The following MYT1L variants were observed in gnomAD, a reference collection of about 807,000 sequenced individuals.
MYT1L encodes myelin transcription factor 1 like.
Under a neutral mutation model 126.7 loss-of-function variants are expected in MYT1L, and 12 were observed. The observed-to-expected ratio is 0.09, with a 90% CI of 0.06 to 0.15. The LOEUF is 0.15. MYT1L is among the 10% of genes least tolerant of loss of function. MYT1L has a pLI of 1.00. For synonymous variants in MYT1L, 541 were observed against 604.2 expected (o/e 0.90, Z 1.53); for missense variants, 979 against 1,585.2 (o/e 0.62, Z 6.49).
intron 1 of MYT1L, among the ~76,000 whole-genome samples, chr2:2,285,578 A>G (rs2095508140): frequency 6.6e-6 from 1 of 152,204 alleles, no homozygotes; most frequent in Admixed American, 6.5e-5. Flanking sequence ...CTTTACCTCT[A>G]CCTGGAATGC....
At chr2:1,809,801 C>G (rs1246536846) in intron 21 of MYT1L, 1 of 152,482 alleles carries the variant, frequency 6.6e-6, no homozygotes, top group African/African-American at 2.4e-5. Flanking sequence ...CTTTTCTCAG[C>G]CACTGGTTTG....
At chr2:1,888,489 C>G (rs2048426765) in intron 16 of MYT1L, among the ~76,000 whole-genome samples, 1 of 152,118 alleles carries the variant, frequency 6.6e-6, no homozygotes, top group Non-Finnish European at 1.5e-5. Context: ...TTTTCCATTT[C>G]CTTGTTTCTG....
At chr2:1,954,818 A>T (rs181427162) in intron 8 of MYT1L, among the ~76,000 whole-genome samples, 9 of 152,010 alleles carry the variant, frequency 5.9e-5, no homozygotes, top group African/African-American at 2.2e-4. Context: ...TAATCCCAGC[A>T]CTTTGGGAGG....
intron 3 of MYT1L, among the ~76,000 whole-genome samples, chr2:2,057,973 G>A (rs2069831030): frequency 6.6e-6 from 1 of 152,140 alleles, no homozygotes; most frequent in Non-Finnish European, 1.5e-5. Context: ...TGGGATAGCT[G>A]GGTCATACAG....
chr2:2,087,694 T>A (rs766862461), intron 3 of MYT1L, among the ~76,000 whole-genome samples: 18 of 152,246 alleles, frequency 1.2e-4, no homozygotes, highest in Non-Finnish European at 1.9e-4. Context: ...ATGAACTGAA[T>A]GTAGTTCCTA....
Position 2,233,584 on chromosome 2 carries a change from T to C in MYT1L, c.-421+50820A>G, listed in dbSNP as rs1156399832. Among the ~76,000 whole-genome samples, 2 of 152,126 alleles carry C rather than the reference T, an allele frequency of 1.3e-5. 1 individual carries two copies. ...CTGGCACAGAAGGAAGAAGAGGAAG[T>C]GGCCATCCAGTGCACATGATACAAT... is the stretch of plus-strand genomic sequence containing the variant. On this transcript the variant is annotated intron_variant, in intron 2 of 24. Transcript: ENST00000647738.
intron 4 of MYT1L, among the ~76,000 whole-genome samples, chr2:2,052,799 T>C (rs558544022): frequency 1.5e-4 from 23 of 152,292 alleles, no homozygotes; most frequent in Admixed American, 5.2e-4. Flanking sequence ...GGCCTGGATA[T>C]GGAGAAATTG....
intron 2 of MYT1L, among the ~76,000 whole-genome samples, chr2:2,250,098 T>C (rs1238130505): frequency 6.6e-6 from 1 of 152,154 alleles, no homozygotes; most frequent in African/African-American, 2.4e-5. Context: ...ACAACCACTA[T>C]AGAGAACAGT....
intron 21 of MYT1L, among the ~76,000 whole-genome samples, chr2:1,820,878 A>G (rs2038420853): frequency 6.6e-6 from 1 of 152,154 alleles, no homozygotes; most frequent in Admixed American, 6.5e-5. Flanking sequence ...ATTATTCTCA[A>G]TACTCTCAGT....
intron 4 of MYT1L, among the ~76,000 whole-genome samples, chr2:2,040,279 G>A (rs535558173): frequency 6.6e-6 from 1 of 152,268 alleles, no homozygotes; most frequent in South Asian, 2.1e-4. Context: ...TTCTACGTGT[G>A]CCCAATACAT....
intron 2 of MYT1L, among the ~76,000 whole-genome samples, chr2:2,178,775 T>C (rs752332688): frequency 4.6e-5 from 7 of 152,170 alleles, no homozygotes; most frequent in Non-Finnish European, 8.8e-5. Context: ...ATTTGGTCAT[T>C]GAAGTCCAGA....
chr2:1,845,963 C>T (rs1558738467), intron 19 of MYT1L, among the ~76,000 whole-genome samples: 1 of 152,202 alleles, frequency 6.6e-6, no homozygotes, highest in Admixed American at 6.5e-5. Context: ...GGCTCAGCGT[C>T]GCCTCCTCTC....
chr2:2,087,132 C>T (rs1418849774), intron 3 of MYT1L, among the ~76,000 whole-genome samples: 2 of 152,158 alleles, frequency 1.3e-5, no homozygotes, highest in African/African-American at 4.8e-5. Context: ...TCAGAGCCCA[C>T]AGTTTATCAT....
intron 3 of MYT1L, among the ~76,000 whole-genome samples, chr2:2,102,847 T>C (rs983748584): frequency 5.9e-5 from 9 of 151,930 alleles, no homozygotes; most frequent in Non-Finnish European, 2.9e-5. Context: ...AAGATATTGC[T>C]CCAGTAGAAT....
At chr2:2,077,201 C>T (rs921163714) in intron 3 of MYT1L, among the ~76,000 whole-genome samples, 1 of 152,052 alleles carries the variant, frequency 6.6e-6, no homozygotes, top group South Asian at 2.1e-4. Context: ...TTACAGATCT[C>T]TGGGACACCA....
chr2:2,236,783 TCTTCTTCTTCTTCTTCTTC>T (rs2094322589), intron 2 of MYT1L, among the ~76,000 whole-genome samples: 1 of 19,922 alleles, frequency 5.0e-5, no homozygotes. Context: ...TTCTTCTTCT[TCTTCTTCTTCTTCTTCTTC>T]TTCTTCTTCT....
chr2:1,838,293 T>G, intron 21 of MYT1L, among the ~76,000 whole-genome samples: 1 of 152,194 alleles, frequency 6.6e-6, no homozygotes, highest in East Asian at 1.9e-4. Flanking sequence ...AAAAAAATCT[T>G]CCTTAACATT....
At chr2:2,012,279 T>C (rs1443724351) in intron 4 of MYT1L, among the ~76,000 whole-genome samples, 1 of 152,340 alleles carries the variant, frequency 6.6e-6, no homozygotes, top group East Asian at 1.9e-4. Context: ...AATATATATC[T>C]GCCATAAAAA....
chr2:2,024,566 T>A (rs1456118997), intron 4 of MYT1L, among the ~76,000 whole-genome samples: 1 of 152,240 alleles, frequency 6.6e-6, no homozygotes, highest in Non-Finnish European at 1.5e-5. Context: ...CTTCATTCAC[T>A]GTAGGAATTT....
Sources: gnomAD v4.1 joint callset for allele counts (sites outside exome capture counted in the v4.1 genomes callset) on GRCh38, gnomAD v4.1.1 for gene constraint, MANE v1.5 for transcripts, NCBI Gene and HGNC (gene_info 2026-07-23, HGNC 2026-07-21) for gene names.